The following CPVL variants were observed in gnomAD, a reference collection of about 807,000 sequenced individuals.
CPVL encodes the protein carboxypeptidase vitellogenic like, also known as probable serine carboxypeptidase CPVL.
CPVL carries 51 observed loss-of-function variants against 63.7 expected under a neutral mutation model. The observed-to-expected ratio is 0.80, with a 90% CI of 0.64 to 1.01. The LOEUF is 1.01. CPVL is among the 50% of genes least tolerant of loss of function. The probability of loss-of-function intolerance (pLI) is 0.00; values close to 1 mark genes in which losing one functional copy is unlikely to be tolerated. For missense variants in CPVL, 530 were observed against 573.1 expected (o/e 0.92, Z 0.77); for synonymous variants, 195 against 206.0 (o/e 0.95, Z 0.46).
chr7:29,073,004 G>A (rs945775685), intron 7 of CPVL, among the ~76,000 whole-genome samples: 1 of 152,122 alleles, frequency 6.6e-6, no homozygotes, highest in Admixed American at 6.5e-5. Flanking sequence ...ACATGGTAAC[G>A]GTTCTACTTT....
chr7:29,018,678 C>A (rs929788696), intron 12 of CPVL, among the ~76,000 whole-genome samples: 1 of 152,118 alleles, frequency 6.6e-6, no homozygotes, highest in Non-Finnish European at 1.5e-5. Flanking sequence ...CCTGCCCGGC[C>A]AAAGTTTTAA....
At chr7:29,044,575 A>G (rs1789434957) in intron 11 of CPVL, among the ~76,000 whole-genome samples, 1 of 152,226 alleles carries the variant, frequency 6.6e-6, no homozygotes, top group Non-Finnish European at 1.5e-5. Flanking sequence ...CCAGTCTTTT[A>G]AAACATCTAC....
At chr7:29,055,645 G>A (rs1323920492) in intron 11 of CPVL, among the ~76,000 whole-genome samples, 1 of 152,204 alleles carries the variant, frequency 6.6e-6, no homozygotes, top group Non-Finnish European at 1.5e-5. Context: ...CAGCCCTGGT[G>A]CTGGGCTCTC....
chr7:29,101,235 C>T (rs1787084658), intron 3 of CPVL, among the ~76,000 whole-genome samples: 1 of 152,230 alleles, frequency 6.6e-6, no homozygotes, highest in Non-Finnish European at 1.5e-5. Context: ...AATTTAAAAA[C>T]ATTTACCATA....
chr7:29,142,164 T>C (rs911026479), intron 1 of CPVL, among the ~76,000 whole-genome samples: 16 of 152,204 alleles, frequency 1.1e-4, no homozygotes, highest in African/African-American at 3.4e-4. Flanking sequence ...TTAGGAACTG[T>C]GGTCAATTAT....
rs149623778 is a variant in CPVL at position 29,105,333 on chromosome 7, C to T, written c.288+7371G>A. Among the ~76,000 whole-genome samples, 20 of 152,214 alleles carry T rather than the reference C, an allele frequency of 1.3e-4. No homozygotes were observed. In the East Asian group the frequency reaches 3.9e-3, roughly 29 times the overall value. On this transcript the variant is annotated intron_variant, in intron 3 of 12. Transcript: ENST00000265394. ...ATGGGTGCTAGTTAATCTCTGCTGG[C>T]TACATGATGCAAGGACAGGTAAACT... is the stretch of plus-strand genomic sequence containing the variant.
intron 2 of CPVL, among the ~76,000 whole-genome samples, chr7:29,117,804 T>C (rs1788924167): frequency 6.6e-6 from 1 of 152,218 alleles, no homozygotes; most frequent in Non-Finnish European, 1.5e-5. Context: ...TGGCACATGG[T>C]TGGTACCCAA....
chr7:29,075,119 C>CT (rs1784115017), intron 7 of CPVL, among the ~76,000 whole-genome samples: 1 of 152,124 alleles, frequency 6.6e-6, no homozygotes, highest in African/African-American at 2.4e-5. Context: ...AATAAAACAT[C>CT]TCTCTTGACC....
rs1327442305 is a variant in CPVL, at chr7:29,071,909, GGACAAAAAA to G, written c.733-14_733-6del. 6 of 1,612,416 alleles carry G rather than the reference GGACAAAAAA, an allele frequency of 3.7e-6. No individual in the cohort carries two copies. The highest frequency in any genetic ancestry group is 5.1e-6 in the Non-Finnish European group (6 of 1,179,540). ...TTCTGCATAGCCCCCTATAATCTGA[GGACAAAAAA>G]GACACACATCAATGTGACAAAGGGA... On this transcript the variant is annotated splice_region_variant and splice_polypyrimidine_tract_variant and intron_variant, in intron 8 of 12. Transcript: ENST00000265394.
At chr7:29,008,746 A>G (rs1270748282) in intron 12 of CPVL, among the ~76,000 whole-genome samples, 1 of 152,156 alleles carries the variant, frequency 6.6e-6, no homozygotes, top group East Asian at 1.9e-4. Context: ...CTAGCTAAGG[A>G]ACTGGGTGGG....
At chr7:29,123,472 T>C (rs12537009) in intron 1 of CPVL, among the ~76,000 whole-genome samples, 4,042 of 151,510 alleles carry the variant, frequency 0.027, 77 homozygotes, top group Non-Finnish European at 0.034. Flanking sequence ...CCCAGGGTAA[T>C]GACCTCTATG....
At chr7:29,138,321 T>C (rs1791459359) in intron 1 of CPVL, among the ~76,000 whole-genome samples, 1 of 152,156 alleles carries the variant, frequency 6.6e-6, no homozygotes, top group South Asian at 2.1e-4. Context: ...GTGCCTGTAA[T>C]CCCAGCTATT....
At chr7:29,136,018 A>G (rs936751391) in intron 1 of CPVL, among the ~76,000 whole-genome samples, 4 of 152,218 alleles carry the variant, frequency 2.6e-5, no homozygotes, top group Admixed American at 1.3e-4. Flanking sequence ...ACCAAGAAAG[A>G]GGAAGACATG....
rs117938596 is a variant in CPVL, at chr7:29,085,712, T to C, written c.609+772A>G. On this transcript the variant is annotated intron_variant, in intron 7 of 12. Coordinates refer to ENST00000265394, the MANE Select transcript of CPVL (RefSeq NM_031311.5). Reference sequence around the variant, plus strand: ...ACCACCTTGACGCAGTGATCCAGTTTAGCATCACCAACAGTGGGACAAACT... The same window carrying C: ...ACCACCTTGACGCAGTGATCCAGTTCAGCATCACCAACAGTGGGACAAACT... Among the ~76,000 whole-genome samples, 1,141 of 152,330 alleles carry C rather than the reference T, an allele frequency of 7.5e-3. 8 individuals carry two copies. The highest frequency in any genetic ancestry group is 0.011 in the Non-Finnish European group (754 of 68,018).
chr7:29,032,924 G>C (rs1788168317), intron 11 of CPVL, among the ~76,000 whole-genome samples: 1 of 152,158 alleles, frequency 6.6e-6, no homozygotes, highest in Non-Finnish European at 1.5e-5. Flanking sequence ...CATGGAATGA[G>C]GACCATCCCT....
chr7:29,046,009 G>A (rs1158244225), intron 11 of CPVL, among the ~76,000 whole-genome samples: 2 of 151,236 alleles, frequency 1.3e-5, no homozygotes, highest in Non-Finnish European at 2.9e-5. Flanking sequence ...GCAATTAGGT[G>A]AAATTTAATG....
At chr7:29,157,250 G>A (rs575863462) in intron 5 of CPVL, among the ~76,000 whole-genome samples, 2 of 152,066 alleles carry the variant, frequency 1.3e-5, no homozygotes, top group South Asian at 4.1e-4. Flanking sequence ...AATGAGATGC[G>A]ACCCCTCCCC....
At chr7:29,003,641 T>C (rs927154078) in intron 12 of CPVL, among the ~76,000 whole-genome samples, 2 of 152,178 alleles carry the variant, frequency 1.3e-5, no homozygotes, top group Non-Finnish European at 2.9e-5. Flanking sequence ...AAGACAGTAC[T>C]TGCACAAAAA....
intron 5 of CPVL, among the ~76,000 whole-genome samples, chr7:29,180,715 C>T (rs1283474600): frequency 6.6e-6 from 1 of 152,160 alleles, no homozygotes; most frequent in Non-Finnish European, 1.5e-5. Context: ...AACACTAACA[C>T]ACTAATTAAG....
Sources: gnomAD v4.1 joint callset for allele counts (sites outside exome capture counted in the v4.1 genomes callset) on GRCh38, gnomAD v4.1.1 for gene constraint, MANE v1.5 for transcripts, NCBI Gene and HGNC (gene_info 2026-07-23, HGNC 2026-07-21) for gene names.